Variants in GRM8 observed in about 807,000 individuals in gnomAD.
The protein encoded by GRM8 is metabotropic glutamate receptor 8.
GRM8 carries 47 observed loss-of-function variants against 87.2 expected under a neutral mutation model. That is an observed-to-expected ratio of 0.54 (90% confidence interval 0.43 to 0.69). GRM8 has a LOEUF of 0.69. Among genes scored for constraint, GRM8 ranks in the 30% least tolerant of loss-of-function variants. The probability of loss-of-function intolerance (pLI) is 0.00; values close to 1 mark genes in which losing one functional copy is unlikely to be tolerated. For missense variants in GRM8, 1,019 were observed against 1,139.2 expected (o/e 0.89, Z 1.52); for synonymous variants, 396 against 404.5 (o/e 0.98, Z 0.25).
intron 7 of GRM8, among the ~76,000 whole-genome samples, chr7:126,767,134 T>G (rs1313717175): frequency 6.6e-6 from 1 of 152,158 alleles, no homozygotes; most frequent in Admixed American, 6.6e-5. Context: ...AGTAGGATAT[T>G]TTTGAAGATA....
At chr7:126,599,977 G>A (rs745520693) in intron 8 of GRM8, among the ~76,000 whole-genome samples, 8 of 152,088 alleles carry the variant, frequency 5.3e-5, no homozygotes, top group Non-Finnish European at 1.2e-4. Context: ...GTGGATGGAC[G>A]AATGGATGCT....
At chr7:126,906,901 A>G (rs1435111548) in intron 3 of GRM8, among the ~76,000 whole-genome samples, 2 of 152,158 alleles carry the variant, frequency 1.3e-5, no homozygotes, top group East Asian at 3.8e-4. Flanking sequence ...GTGATAATTG[A>G]TTCATTCCTT....
chr7:126,998,254 A>G (rs966351457), intron 3 of GRM8, among the ~76,000 whole-genome samples: 1 of 151,916 alleles, frequency 6.6e-6, no homozygotes, highest in Non-Finnish European at 1.5e-5. Flanking sequence ...ATATAGAAAG[A>G]ACATACCTCA....
At chr7:126,756,153 G>GA (rs934713493) in intron 7 of GRM8, among the ~76,000 whole-genome samples, 4 of 151,068 alleles carry the variant, frequency 2.6e-5, no homozygotes, top group African/African-American at 4.8e-5. Context: ...ATCTCTAAGT[G>GA]AAAAAAAAGG....
chr7:126,499,474 A>G (rs987861961), intron 9 of GRM8, among the ~76,000 whole-genome samples: 8 of 151,826 alleles, frequency 5.3e-5, no homozygotes, highest in African/African-American at 1.9e-4. Context: ...GTATAGACCC[A>G]AAGAAAATGA....
chr7:126,662,367 T>A (rs932851479), intron 7 of GRM8, among the ~76,000 whole-genome samples: 1 of 152,126 alleles, frequency 6.6e-6, no homozygotes, highest in African/African-American at 2.4e-5. Context: ...GAACATTAGC[T>A]TTAATCAGAT....
At chr7:127,207,405 T>C (rs1226739141) in intron 2 of GRM8, among the ~76,000 whole-genome samples, 1 of 152,076 alleles carries the variant, frequency 6.6e-6, no homozygotes, top group Non-Finnish European at 1.5e-5. Context: ...AAATGCTCAT[T>C]TACTTATTCG....
chr7:126,653,080 CAA>C (rs760190002), intron 7 of GRM8, among the ~76,000 whole-genome samples: 8 of 151,838 alleles, frequency 5.3e-5, no homozygotes, highest in Admixed American at 2.6e-4. Context: ...GTGTGAGAAT[CAA>C]AAGAGTTCAA....
At chr7:127,199,340 T>G (rs1277647348) in intron 2 of GRM8, among the ~76,000 whole-genome samples, 4 of 152,264 alleles carry the variant, frequency 2.6e-5, no homozygotes, top group Non-Finnish European at 4.4e-5. Context: ...GAAATTAAAC[T>G]TGCTTTCAAA....
At chr7:126,512,130 C>A (rs979654434) in intron 9 of GRM8, 1 of 152,074 alleles carries the variant, frequency 6.6e-6, no homozygotes, top group African/African-American at 2.4e-5. Context: ...CCTTCTCCCC[C>A]AGCAGAGAGG....
At chr7:127,093,886 G>A (rs1480872061) in intron 3 of GRM8, among the ~76,000 whole-genome samples, 1 of 152,190 alleles carries the variant, frequency 6.6e-6, no homozygotes, top group African/African-American at 2.4e-5. Context: ...AGACTCTGCA[G>A]CCCAGTTCTA....
chr7:127,120,344 G>T (rs942971147), intron 2 of GRM8, among the ~76,000 whole-genome samples: 2 of 152,182 alleles, frequency 1.3e-5, no homozygotes, highest in Non-Finnish European at 2.9e-5. Context: ...TGGTATAAAA[G>T]ATATGTTCAT....
chr7:126,466,496 A>G (rs1804515467), intron 9 of GRM8, among the ~76,000 whole-genome samples: 1 of 151,970 alleles, frequency 6.6e-6, no homozygotes, highest in African/African-American at 2.4e-5. Context: ...TGATATATGT[A>G]TATATTATGG....
chr7:126,566,606 T>A (rs1276661193), intron 8 of GRM8, among the ~76,000 whole-genome samples: 1 of 152,146 alleles, frequency 6.6e-6, no homozygotes, highest in Non-Finnish European at 1.5e-5. Context: ...GTAGTCGCTA[T>A]GGAATACAGC....
chr7:127,157,628 C>A (rs929695854), intron 2 of GRM8, among the ~76,000 whole-genome samples: 1 of 151,978 alleles, frequency 6.6e-6, no homozygotes, highest in Admixed American at 6.6e-5. Flanking sequence ...CACAGCCAAC[C>A]CATTTTATCA....
chr7:126,469,059 G>T (rs1584718404), intron 9 of GRM8, among the ~76,000 whole-genome samples: 1 of 151,982 alleles, frequency 6.6e-6, no homozygotes, highest in African/African-American at 2.4e-5. Context: ...ATTGTTGTTA[G>T]TATATAAGAC....
At chr7:127,246,286 T>A (rs1798579855) in intron 1 of GRM8, among the ~76,000 whole-genome samples, 1 of 152,174 alleles carries the variant, frequency 6.6e-6, no homozygotes, top group African/African-American at 2.4e-5. Context: ...CCTAGTGGAG[T>A]CTGTGAGTTT....
chr7:127,238,672 G>C (rs759855514), intron 2 of GRM8, among the ~76,000 whole-genome samples: 3 of 152,150 alleles, frequency 2.0e-5, no homozygotes, highest in Non-Finnish European at 4.4e-5. Flanking sequence ...CTGTTCCCAG[G>C]TTGTGTCCAG....
intron 9 of GRM8, among the ~76,000 whole-genome samples, chr7:126,479,969 A>G (rs1379529856): frequency 6.6e-6 from 1 of 152,152 alleles, no homozygotes; most frequent in Non-Finnish European, 1.5e-5. Flanking sequence ...ATCAACCAGA[A>G]TGTGATGGCA....
Sources: allele counts gnomAD v4.1 joint callset (sites outside exome capture counted in the v4.1 genomes callset), GRCh38; gene constraint gnomAD v4.1.1; transcripts MANE v1.5; gene names NCBI Gene and HGNC (gene_info 2026-07-23, HGNC 2026-07-21).